Variants in ACER1 observed in about 807,000 individuals in gnomAD.
The protein encoded by ACER1 is CTB-180A7.3.
A neutral mutation model predicts 24.9 loss-of-function variants in ACER1; 28 were observed. That is an observed-to-expected ratio of 1.13 (90% CI 0.83 to 1.54). The LOEUF (loss-of-function observed/expected upper bound fraction) is 1.54. Among genes scored for constraint, ACER1 ranks in the 40% most tolerant of loss-of-function variants. ACER1 has a pLI of 0.00. For synonymous variants in ACER1, 132 were observed against 131.4 expected (o/e 1.00, Z -0.03); for missense variants, 352 against 349.3 (o/e 1.01, Z -0.06).
At chr19:6,336,652 C>CTA (rs2091715145), upstream of ACER1, among the ~76,000 whole-genome samples, 1 of 151,752 alleles carries the variant, frequency 6.6e-6, no homozygotes, top group Non-Finnish European at 1.5e-5. Flanking sequence ...AACCCCGTCT[C>CTA]TACTAAAAAT....
intron 1 of ACER1, among the ~76,000 whole-genome samples, chr19:6,315,882 C>T (rs1033515574): frequency 6.6e-6 from 1 of 152,174 alleles, no homozygotes; most frequent in Admixed American, 6.6e-5. Flanking sequence ...GTAATCTCAG[C>T]ACTTGGGGAG....
chr19:6,312,292 T>C lies in ACER1; in HGVS notation c.209-2A>G, dbSNP rs1003222890. ...TGTGGAAATACATGGAGAACAGGCC[T>C]GCAGCGGCAAGGGCAGGCGGTCAGT... On this transcript the variant is annotated splice_acceptor_variant, in intron 2 of 5. Transcript: ENST00000301452. LOFTEE classifies it high-confidence loss of function. 6.2e-7 allele frequency: 1 copy of C among 1,614,034 alleles called. No homozygotes were observed. Among genetic ancestry groups the C allele is most frequent in the Non-Finnish European group, 8.5e-7 (1 of 1,179,956 alleles).
At chr19:6,334,095 A>G (rs954831792), upstream of ACER1, among the ~76,000 whole-genome samples, 2 of 150,992 alleles carry the variant, frequency 1.3e-5, no homozygotes, top group African/African-American at 2.4e-5. Context: ...CCCAGGCTGG[A>G]GTGCAGTGGC....
At chr19:6,352,715 T>C in the ACER1 span, among the ~76,000 whole-genome samples, 2 of 152,240 alleles carry the variant, frequency 1.3e-5, no homozygotes, top group African/African-American at 2.4e-5. Context: ...TTCTGTGAAT[T>C]TGAAATTTGG....
chr19:6,313,893 C>A (rs2091592250), intron 1 of ACER1, among the ~76,000 whole-genome samples: 2 of 152,134 alleles, frequency 1.3e-5, no homozygotes, highest in Admixed American at 6.6e-5. Flanking sequence ...AGAGACCACA[C>A]TGAGATGGAG....
chr19:6,346,016 C>G, the ACER1 span, among the ~76,000 whole-genome samples: 1 of 152,238 alleles, frequency 6.6e-6, no homozygotes, highest in Non-Finnish European at 1.5e-5. Flanking sequence ...GCGTGAGCCA[C>G]TGTGCCTGAC....
chr19:6,316,121 C>G lies in ACER1; in HGVS notation c.94-3622G>C, dbSNP rs190827277. Among the ~76,000 whole-genome samples, 431 of 151,928 alleles carry G rather than the reference C, an allele frequency of 2.8e-3. 3 individuals are homozygous for G. Among genetic ancestry groups the G allele is most frequent in the African/African-American group, 9.5e-3 (394 of 41,424 alleles). Reference sequence around the variant, plus strand: ...CCAGCCTGGGTGAGAGAACGAGACTCCGTCTCAAAAAAAGAAAAAAGAATG... The same window carrying G: ...CCAGCCTGGGTGAGAGAACGAGACTGCGTCTCAAAAAAAGAAAAAAGAATG... On this transcript the variant is annotated intron_variant, in intron 1 of 5. Transcript: ENST00000301452.
Position 6,306,636 on chromosome 19 carries a change from G to A in ACER1, c.*78C>T. ...AAGGAACCACGAGTGTCCCGCAGGT[G>A]CAAGTCCTGACCGGGGCTATCTTCT... On this transcript the variant is annotated 3_prime_UTR_variant, in exon 6 of 6. Transcript: ENST00000301452. The A allele has an allele frequency of 6.6e-7, 1 of 1,505,230 alleles. No individual in the cohort carries two copies. The highest frequency in any genetic ancestry group is 9.0e-7 in the Non-Finnish European group (1 of 1,110,814). The allele number at this position is 1,505,230 out of a possible 1,614,324, so 93.2% of individuals were successfully genotyped here.
intron 1 of ACER1, among the ~76,000 whole-genome samples, chr19:6,317,905 C>A (rs1405228380): frequency 1.3e-5 from 2 of 152,060 alleles, no homozygotes; most frequent in African/African-American, 4.8e-5. Flanking sequence ...CAGGCACTCA[C>A]CACCATGTAT....
chr19:6,345,032 A>AT, the ACER1 span, among the ~76,000 whole-genome samples: 1 of 151,398 alleles, frequency 6.6e-6, no homozygotes, highest in Non-Finnish European at 1.5e-5. Flanking sequence ...CACCTGGCTA[A>AT]TTTTTTGTAT....
At chr19:6,339,849 T>TCAA in the ACER1 span, among the ~76,000 whole-genome samples, 1 of 151,850 alleles carries the variant, frequency 6.6e-6, no homozygotes, top group African/African-American at 2.4e-5. Flanking sequence ...GTATTTTTAG[T>TCAA]AGAGACGGGG....
At position 6,310,086 on chromosome 19, in the gene ACER1, A is replaced by G. The variant is rs192583005; in HGVS notation, c.351-252T>C. On this transcript the variant is annotated intron_variant, in intron 3 of 5. Transcript: ENST00000301452. ...AGACCAGCCTGGTCAACATGGTGAA[A>G]CCCCATTTCTTTTTTTTTTGAGACG... 5.8e-4 allele frequency among the ~76,000 whole-genome samples: 86 copies of G among 149,050 alleles called. 2 individuals carry two copies. In the East Asian group the frequency reaches 0.014, roughly 25 times the overall value.
rs1260091536 is a variant in ACER1 at position 6,331,997 on chromosome 19, G to A, written c.93+1462C>T. Among the ~76,000 whole-genome samples, 10 of 139,956 alleles carry A rather than the reference G, an allele frequency of 7.1e-5. No individual in the cohort carries two copies. In the Admixed American group the frequency reaches 7.6e-4, roughly 11 times the overall value. 91.8% of individuals were successfully genotyped at this position (139,956 alleles called of 152,430 possible). On this transcript the variant is annotated intron_variant, in intron 1 of 5. Transcript: ENST00000301452. ...TTTTTTTTTTTTGAGACGAAGTCTC[G>A]CTCTTGTCCCTCAGGCTGGAGTGCA...
At chr19:6,347,999 C>A in the ACER1 span, among the ~76,000 whole-genome samples, 2 of 150,410 alleles carry the variant, frequency 1.3e-5, no homozygotes, top group African/African-American at 4.9e-5. Flanking sequence ...TTGAGACCAG[C>A]CTGGCCTCCC....
chr19:6,342,012 A>C, the ACER1 span, among the ~76,000 whole-genome samples: 11 of 152,326 alleles, frequency 7.2e-5, no homozygotes, highest in African/African-American at 2.2e-4. Context: ...TGAAGTAAAG[A>C]TATGCATTAA....
At chr19:6,309,937 G>A in intron 3 of ACER1, 103 bp from the exon 4 acceptor site, 5 of 1,441,670 alleles carry the variant, frequency 3.5e-6, no homozygotes, top group Middle Eastern at 1.8e-4. Flanking sequence ...AAAAGGACAG[G>A]ATTCTGGGGA....
intron 1 of ACER1, among the ~76,000 whole-genome samples, chr19:6,314,533 C>T (rs555414007): frequency 1.3e-5 from 2 of 151,778 alleles, no homozygotes; most frequent in Non-Finnish European, 2.9e-5. Flanking sequence ...AAGACCCCGA[C>T]GTGCTGACAT....
At chr19:6,336,656 T>TA (rs548292473), upstream of ACER1, among the ~76,000 whole-genome samples, 9 of 151,372 alleles carry the variant, frequency 5.9e-5, no homozygotes, top group East Asian at 1.4e-3. Context: ...CCGTCTCTAC[T>TA]AAAAATATAA....
chr19:6,314,532 A>C (rs2091594540), intron 1 of ACER1, among the ~76,000 whole-genome samples: 1 of 151,802 alleles, frequency 6.6e-6, no homozygotes, highest in Non-Finnish European at 1.5e-5. Context: ...CAAGACCCCG[A>C]CGTGCTGACA....
Sources: allele counts gnomAD v4.1 joint callset (sites outside exome capture counted in the v4.1 genomes callset), GRCh38; gene constraint gnomAD v4.1.1; transcripts MANE v1.5; gene names NCBI Gene and HGNC (gene_info 2026-07-23, HGNC 2026-07-21).